Variants in ROBO2 observed in about 807,000 individuals in gnomAD.
ROBO2 encodes the protein roundabout homolog 2.
ROBO2 carries 53 observed loss-of-function variants against 160.8 expected under a neutral mutation model. The ratio of observed to expected loss-of-function variants is 0.33; its 90% CI spans 0.26 to 0.41. The LOEUF is 0.41. Among genes scored for constraint, ROBO2 ranks in the 10% least tolerant of loss-of-function variants. ROBO2 has a pLI of 1.00. For missense variants in ROBO2, 1,577 were observed against 1,722.4 expected (o/e 0.92, Z 1.49); for synonymous variants, 664 against 611.7 (o/e 1.09, Z -1.26).
At chr3:77,131,224 T>C (rs962288060) in intron 2 of ROBO2, among the ~76,000 whole-genome samples, 9 of 152,138 alleles carry the variant, frequency 5.9e-5, no homozygotes, top group African/African-American at 2.2e-4. Context: ...CACACAAACC[T>C]TTCCCTCTGA....
intron 2 of ROBO2, among the ~76,000 whole-genome samples, chr3:76,831,936 T>C (rs899721282): frequency 1.1e-4 from 16 of 152,128 alleles, no homozygotes; most frequent in African/African-American, 3.9e-4. Context: ...TTTACCAGAA[T>C]AGAAAAGAGT....
intron 2 of ROBO2, among the ~76,000 whole-genome samples, chr3:76,911,035 T>C (rs1350473665): frequency 3.9e-5 from 6 of 152,124 alleles, no homozygotes; most frequent in African/African-American, 1.4e-4. Context: ...TTTGGAAAGG[T>C]TCTATAATCT....
intron 2 of ROBO2, among the ~76,000 whole-genome samples, chr3:76,557,120 C>T (rs777667706): frequency 1.3e-4 from 20 of 152,036 alleles, no homozygotes; most frequent in Admixed American, 6.6e-4. Context: ...AGTGACCCTA[C>T]ATTTGCTTCC....
intron 1 of ROBO2, among the ~76,000 whole-genome samples, chr3:77,057,569 ATTTT>A (rs71104648): frequency 9.5e-6 from 1 of 105,266 alleles, no homozygotes; most frequent in Admixed American, 1.3e-4. Flanking sequence ...ATTCCAGAGG[ATTTT>A]TTTTTTTTTT....
intron 2 of ROBO2, among the ~76,000 whole-genome samples, chr3:76,968,636 A>G (rs2059423807): frequency 1.3e-5 from 2 of 152,282 alleles, no homozygotes; most frequent in East Asian, 3.9e-4. Context: ...TTCTTGTTCT[A>G]CTAGCTTCGT....
chr3:77,209,741 G>C (rs1388837538), intron 2 of ROBO2, among the ~76,000 whole-genome samples: 1 of 152,166 alleles, frequency 6.6e-6, no homozygotes, highest in African/African-American at 2.4e-5. Flanking sequence ...GATTGAAGTA[G>C]ATAGTAGATC....
chr3:76,746,411 T>C (rs2093892939), intron 2 of ROBO2, among the ~76,000 whole-genome samples: 1 of 152,128 alleles, frequency 6.6e-6, no homozygotes, highest in South Asian at 2.1e-4. Context: ...ATCTCCACAC[T>C]GACTTCCACA....
chr3:76,777,011 C>A (rs1469605109), intron 2 of ROBO2, among the ~76,000 whole-genome samples: 5 of 150,994 alleles, frequency 3.3e-5, no homozygotes, highest in Non-Finnish European at 7.4e-5. Flanking sequence ...TGGTAGAGAT[C>A]CACACTAGCA....
At chr3:76,401,971 G>A (rs557002713) in intron 2 of ROBO2, among the ~76,000 whole-genome samples, 1 of 151,486 alleles carries the variant, frequency 6.6e-6, no homozygotes, top group South Asian at 2.1e-4. Flanking sequence ...TGATCAGTAC[G>A]AGAGGATAAC....
chr3:76,727,020 C>G (rs2093563100), intron 2 of ROBO2, among the ~76,000 whole-genome samples: 1 of 152,154 alleles, frequency 6.6e-6, no homozygotes, highest in Non-Finnish European at 1.5e-5. Context: ...TCATTACATT[C>G]TTTGAGCATT....
intron 1 of ROBO2, among the ~76,000 whole-genome samples, chr3:75,914,136 T>C (rs1946712885): frequency 6.6e-6 from 1 of 152,208 alleles, no homozygotes. Context: ...AATTATATTG[T>C]AAATGGATGT....
intron 2 of ROBO2, among the ~76,000 whole-genome samples, chr3:77,299,231 A>T (rs2062433697): frequency 6.6e-6 from 1 of 152,180 alleles, no homozygotes; most frequent in South Asian, 2.1e-4. Context: ...GTTTAAACTG[A>T]CATTTAAATT....
At chr3:77,289,343 T>C (rs1380271381) in intron 2 of ROBO2, among the ~76,000 whole-genome samples, 2 of 151,902 alleles carry the variant, frequency 1.3e-5, no homozygotes, top group South Asian at 2.1e-4. Flanking sequence ...TAAAGTAAAA[T>C]TGACGGTTAA....
intron 2 of ROBO2, among the ~76,000 whole-genome samples, chr3:77,238,473 CATT>C (rs1238845402): frequency 7.9e-5 from 12 of 152,008 alleles, no homozygotes; most frequent in Admixed American, 6.6e-4. Context: ...AAGTCTACAT[CATT>C]ATTATTTTCC....
intron 2 of ROBO2, among the ~76,000 whole-genome samples, chr3:77,241,745 C>G (rs565898505): frequency 1.6e-3 from 248 of 152,294 alleles, no homozygotes; most frequent in African/African-American, 5.3e-3. Context: ...CATCAATCTT[C>G]TGACCTCTAA....
At position 76,128,914 on chromosome 3, in the gene ROBO2, G is replaced by A. The variant is rs114957561; in HGVS notation, c.109+191312G>A. Among the ~76,000 whole-genome samples the A allele has an allele frequency of 9.5e-3, 1,440 of 152,150 alleles. 24 individuals are homozygous for A. The highest frequency in any genetic ancestry group is 0.033 in the African/African-American group (1,379 of 41,524). On this transcript the variant is annotated intron_variant, in intron 2 of 26. Coordinates refer to the ROBO2 transcript ENST00000487694. ...TTATACTTGTGACTCCTGAGTTTGC[G>A]TATAGAGCAGTAACTTGTGAATAAT... is the stretch of plus-strand genomic sequence containing the variant.
Position 77,062,408 on chromosome 3 carries a change from T to A in ROBO2, c.61+21562T>A, listed in dbSNP as rs534366120. Among the ~76,000 whole-genome samples the A allele has an allele frequency of 2.0e-5, 3 of 152,122 alleles. No homozygotes were observed. In the East Asian group the frequency reaches 5.8e-4, roughly 29 times the overall value. Reference sequence around the variant, plus strand: ...GACTTCCAAACCTAGTTCAGATTTTTAAAAAATACTCAAATAAACTCAGAG... The same window carrying A: ...GACTTCCAAACCTAGTTCAGATTTTAAAAAAATACTCAAATAAACTCAGAG... On this transcript the variant is annotated intron_variant, in intron 1 of 25. Transcript: ENST00000461745.
intron 6 of ROBO2, among the ~76,000 whole-genome samples, chr3:77,527,814 C>G (rs1207764418): frequency 1.3e-5 from 2 of 151,460 alleles, no homozygotes; most frequent in African/African-American, 4.8e-5. Flanking sequence ...TTAAAAAATT[C>G]TACGACTTTC....
intron 2 of ROBO2, among the ~76,000 whole-genome samples, chr3:76,220,380 A>G (rs1012904823): frequency 1.3e-5 from 2 of 152,068 alleles, no homozygotes; most frequent in African/African-American, 4.8e-5. Flanking sequence ...GTATGACAGT[A>G]TTAAGCGGTG....
Sources: allele counts gnomAD v4.1 joint callset (sites outside exome capture counted in the v4.1 genomes callset), GRCh38; gene constraint gnomAD v4.1.1; transcripts MANE v1.5; gene names NCBI Gene and HGNC (gene_info 2026-07-23, HGNC 2026-07-21).